The following SLC5A8 variants were observed in gnomAD, a reference collection of about 807,000 sequenced individuals.
The protein encoded by SLC5A8 is sodium-coupled monocarboxylate transporter 1.
A neutral mutation model predicts 71.9 loss-of-function variants in SLC5A8; 55 were observed. That is an observed-to-expected ratio of 0.77 (90% CI 0.62 to 0.96). SLC5A8 has a LOEUF of 0.96. Ranked by LOEUF, SLC5A8 falls within the 40% of genes least tolerant of loss-of-function variation. The pLI, the probability that SLC5A8 is intolerant of heterozygous loss-of-function variation, is 0.00. For missense variants in SLC5A8, 701 were observed against 745.3 expected (o/e 0.94, Z 0.69); for synonymous variants, 307 against 276.1 (o/e 1.11, Z -1.11).
chr12:101,158,104 C>T, intron 14 of SLC5A8, 145 bp downstream of exon 14: 4 of 642,182 alleles, frequency 6.2e-6, no homozygotes, highest in East Asian at 5.7e-5. Flanking sequence ...AGAGAGCTAT[C>T]CAACATATAT....
At chr12:101,180,300 T>C (rs2051920441) in intron 9 of SLC5A8, among the ~76,000 whole-genome samples, 1 of 152,184 alleles carries the variant, frequency 6.6e-6, no homozygotes, top group Admixed American at 6.5e-5. Context: ...GCCCTTACAT[T>C]GTGTCCCAGG....
chr12:101,162,008 T>G lies in SLC5A8; in HGVS notation c.1596A>C (p.Thr532=). The change falls in exon 13 of 15, where the codon ACA becomes ACC. Residue 532 remains threonine, a synonymous_variant. Transcript: ENST00000536262. ...LYFSTVGTLV[T]LLVGILVSLS... is the part of the protein sequence containing the mutation. ...AACTGACAAGTATCCCCACTAATAA[T>G]GTTACCAAAGTTCCAACAGTGCTGA... 6.2e-7 allele frequency: 1 copy of G among 1,613,474 alleles called. No homozygotes were observed. The highest frequency in any genetic ancestry group is 8.5e-7 in the Non-Finnish European group (1 of 1,179,578).
At chr12:101,190,393 C>T (rs1391218799) in intron 6 of SLC5A8, 75 bp downstream of exon 6, 19 of 1,501,608 alleles carry the variant, frequency 1.3e-5, no homozygotes, top group Admixed American at 2.1e-5. Context: ...AGGAGCTAAA[C>T]GTGACTTATG....
chr12:101,184,090 A>G, intron 8 of SLC5A8, 44 bp downstream of exon 8: 5 of 1,566,314 alleles, frequency 3.2e-6, no homozygotes, highest in Non-Finnish European at 4.4e-6. Context: ...TAAAAGAAAG[A>G]TCCCAACAGG....
At position 101,178,292 on chromosome 12, in the gene SLC5A8, A is replaced by T. The variant is rs189185845; in HGVS notation, c.1233+1737T>A. 3.6e-3 allele frequency among the ~76,000 whole-genome samples: 550 copies of T among 152,294 alleles called. 7 individuals carry two copies. Among genetic ancestry groups the T allele is most frequent in the Non-Finnish European group, 1.9e-3 (130 of 67,992 alleles). Reference sequence around the variant, plus strand: ...AGCAAGATTTTTTTTGTAGATACAGACAAGATTATCCTAGACTTCATATGG... The same window carrying T: ...AGCAAGATTTTTTTTGTAGATACAGTCAAGATTATCCTAGACTTCATATGG... On this transcript the variant is annotated intron_variant, in intron 10 of 14. Transcript: ENST00000536262.
intron 6 of SLC5A8, among the ~76,000 whole-genome samples, chr12:101,189,396 A>G (rs1868803295): frequency 6.6e-6 from 1 of 152,202 alleles, no homozygotes; most frequent in Non-Finnish European, 1.5e-5. Context: ...TTTACTCTCA[A>G]TATATTGAGT....
chr12:101,184,394 C>T (rs1273899678), intron 7 of SLC5A8, among the ~76,000 whole-genome samples, 172 bp from the exon 8 acceptor site: 4 of 152,122 alleles, frequency 2.6e-5, no homozygotes, highest in Non-Finnish European at 4.4e-5. Context: ...CTTAGAGAAA[C>T]GAATAGCACA....
Position 101,209,972 on chromosome 12 carries a change from G to T in SLC5A8, c.-124C>A. 1.1e-6 allele frequency: 1 copy of T among 885,794 alleles called. No individual in the cohort carries two copies. The highest frequency in any genetic ancestry group is 1.6e-6 in the Non-Finnish European group (1 of 620,300). The allele number at this position is 885,794 out of a possible 1,614,324, so 54.9% of individuals were successfully genotyped here. ...GGCGTGGCGTCCCGCGGGGACTGGAGGCGTCCTCCAGGTGTCGGCCTCCGA... is the reference window on the plus strand; with the variant it reads ...GGCGTGGCGTCCCGCGGGGACTGGATGCGTCCTCCAGGTGTCGGCCTCCGA... On this transcript the variant is annotated 5_prime_UTR_variant, in exon 1 of 15. Transcript: ENST00000536262.
intron 5 of SLC5A8, among the ~76,000 whole-genome samples, chr12:101,191,228 A>G (rs1868896140): frequency 6.6e-6 from 1 of 152,234 alleles, no homozygotes; most frequent in African/African-American, 2.4e-5. Flanking sequence ...CATCATGTAC[A>G]TAAGTCCAAA....
At chr12:101,161,481 T>C (rs1244255351) in intron 13 of SLC5A8, among the ~76,000 whole-genome samples, 1 of 152,054 alleles carries the variant, frequency 6.6e-6, no homozygotes, top group Non-Finnish European at 1.5e-5. Flanking sequence ...ATGATAAATA[T>C]CTGAAAAAAA....
chr12:101,177,197 T>C (rs192472921), intron 10 of SLC5A8, among the ~76,000 whole-genome samples: 5 of 152,142 alleles, frequency 3.3e-5, no homozygotes, highest in Non-Finnish European at 1.5e-5. Context: ...ACATAAATTG[T>C]CACAATTCAT....
At chr12:101,157,674 T>A (rs983548826) in intron 14 of SLC5A8, among the ~76,000 whole-genome samples, 3 of 151,850 alleles carry the variant, frequency 2.0e-5, no homozygotes, top group African/African-American at 7.3e-5. Flanking sequence ...TAGAGAGATA[T>A]AACAGATATA....
rs1187457404 is a variant in SLC5A8 at position 101,175,147 on chromosome 12, C to G, written c.1233+4882G>C. Among the ~76,000 whole-genome samples the G allele has an allele frequency of 4.6e-5, 7 of 151,686 alleles. No homozygotes were observed. The South Asian group carries it at 1.3e-3, about 27-fold the overall frequency. On this transcript the variant is annotated intron_variant, in intron 10 of 14. Coordinates refer to ENST00000536262, the MANE Select transcript of SLC5A8 (RefSeq NM_145913.5). ...AACCAAATGAAACTGTTACTCTGAA[C>G]AAATACAATAACTGAAATAAAAAAT...
intron 10 of SLC5A8, among the ~76,000 whole-genome samples, chr12:101,171,910 A>G (rs1341582443): frequency 1.3e-5 from 2 of 152,156 alleles, no homozygotes; most frequent in Non-Finnish European, 2.9e-5. Context: ...GGGCTTGGAA[A>G]CACGATTACA....
intron 10 of SLC5A8, among the ~76,000 whole-genome samples, chr12:101,176,540 A>G (rs2051881732): frequency 6.6e-6 from 1 of 152,090 alleles, no homozygotes; most frequent in Admixed American, 6.5e-5. Flanking sequence ...CCTAGGTTAT[A>G]AAACAGACCT....
intron 6 of SLC5A8, among the ~76,000 whole-genome samples, chr12:101,188,299 T>C (rs1868749117): frequency 3.3e-5 from 5 of 152,208 alleles, no homozygotes. Context: ...TTGATATTAG[T>C]GTTAGTGTTA....
chr12:101,200,391 A>G (rs1239838110), intron 3 of SLC5A8, among the ~76,000 whole-genome samples: 1 of 152,104 alleles, frequency 6.6e-6, no homozygotes, highest in Admixed American at 6.5e-5. Flanking sequence ...TATGTTAACT[A>G]TACCTCAATA....
At chr12:101,197,111 G>A (rs557411247) in intron 3 of SLC5A8, among the ~76,000 whole-genome samples, 6 of 152,318 alleles carry the variant, frequency 3.9e-5, no homozygotes, top group African/African-American at 1.4e-4. Context: ...AAAAATCTCA[G>A]TCACCCTTGG....
At chr12:101,208,352 G>A (rs1222526423) in intron 1 of SLC5A8, among the ~76,000 whole-genome samples, 1 of 152,104 alleles carries the variant, frequency 6.6e-6, no homozygotes, top group Admixed American at 6.5e-5. Flanking sequence ...AGCACCAGTT[G>A]AACCAGCCTC....
Sources: allele counts gnomAD v4.1 joint callset (sites outside exome capture counted in the v4.1 genomes callset), GRCh38; gene constraint gnomAD v4.1.1; transcripts MANE v1.5; gene names NCBI Gene and HGNC (gene_info 2026-07-23, HGNC 2026-07-21).